The following HS6ST3 variants were observed in gnomAD, a reference collection of about 807,000 sequenced individuals.
HS6ST3 encodes the protein heparan-sulfate 6-O-sulfotransferase 3.
Under a neutral mutation model 36.7 loss-of-function variants are expected in HS6ST3, and 12 were observed. The observed-to-expected ratio is 0.33, with a 90% CI of 0.21 to 0.53. HS6ST3 has a LOEUF of 0.53. Among genes scored for constraint, HS6ST3 ranks in the 20% least tolerant of loss-of-function variants. The pLI, the probability that HS6ST3 is intolerant of heterozygous loss-of-function variation, is 0.95. For synonymous variants in HS6ST3, 240 were observed against 257.5 expected, an observed-to-expected ratio of 0.93 and a Z score of 0.65; for missense variants, 584 against 640.9, an observed-to-expected ratio of 0.91 and a Z score of 0.96.
intron 1 of HS6ST3, among the ~76,000 whole-genome samples, chr13:96,272,840 T>G (rs2139389246): frequency 6.6e-6 from 1 of 152,040 alleles, no homozygotes; most frequent in East Asian, 1.9e-4. Flanking sequence ...AAGGAATCAC[T>G]TAGTAAATTA....
intron 1 of HS6ST3, among the ~76,000 whole-genome samples, chr13:96,207,473 A>G (rs892180357): frequency 1.3e-5 from 2 of 152,126 alleles, no homozygotes; most frequent in African/African-American, 2.4e-5. Flanking sequence ...CAATGCCATT[A>G]CTAGATATAT....
chr13:96,605,725 AT>A (rs1347704318), intron 1 of HS6ST3, among the ~76,000 whole-genome samples: 1 of 152,178 alleles, frequency 6.6e-6, no homozygotes, highest in Non-Finnish European at 1.5e-5. Flanking sequence ...ATGGTTCAAT[AT>A]TTTAAACCAC....
At chr13:96,403,283 GTTAT>G (rs1455713212) in intron 1 of HS6ST3, among the ~76,000 whole-genome samples, 1 of 152,090 alleles carries the variant, frequency 6.6e-6, no homozygotes, top group Non-Finnish European at 1.5e-5. Flanking sequence ...TAACAATGAA[GTTAT>G]TTATGTATGT....
chr13:96,791,762 G>A (rs1009962876), intron 1 of HS6ST3, among the ~76,000 whole-genome samples: 1 of 151,930 alleles, frequency 6.6e-6, no homozygotes, highest in Admixed American at 6.6e-5. Flanking sequence ...TAGTAATGCC[G>A]TGTGTTTTAG....
chr13:96,442,863 G>T (rs1187865286), intron 1 of HS6ST3, among the ~76,000 whole-genome samples: 1 of 150,708 alleles, frequency 6.6e-6, no homozygotes, highest in East Asian at 1.9e-4. Context: ...GAAATTCTAG[G>T]AATAACAAAC....
At chr13:96,710,124 C>T (rs1875524250) in intron 1 of HS6ST3, among the ~76,000 whole-genome samples, 2 of 152,234 alleles carry the variant, frequency 1.3e-5, no homozygotes, top group African/African-American at 4.8e-5. Flanking sequence ...GGTTGTATTA[C>T]TGCTGTGGTT....
intron 1 of HS6ST3, among the ~76,000 whole-genome samples, chr13:96,371,885 T>C (rs920058083): frequency 2.0e-5 from 3 of 152,212 alleles, no homozygotes; most frequent in Admixed American, 6.5e-5. Context: ...TCCATTCACC[T>C]GTTCGTGGAC....
chr13:96,788,458 A>G (rs755786924), intron 1 of HS6ST3, among the ~76,000 whole-genome samples: 4 of 151,912 alleles, frequency 2.6e-5, no homozygotes, highest in Non-Finnish European at 5.9e-5. Flanking sequence ...ATGATCTATC[A>G]GGCCACTTAT....
chr13:96,623,128 T>C (rs1487041313), intron 1 of HS6ST3, among the ~76,000 whole-genome samples: 1 of 152,226 alleles, frequency 6.6e-6, no homozygotes, highest in South Asian at 2.1e-4. Context: ...TTTTGCATCA[T>C]AAACTTATTT....
chr13:96,391,764 A>G (rs548302421), intron 1 of HS6ST3, among the ~76,000 whole-genome samples: 18 of 152,148 alleles, frequency 1.2e-4, no homozygotes, highest in Non-Finnish European at 2.5e-4. Flanking sequence ...ACACTATCAC[A>G]AGAACAGCAT....
chr13:96,280,733 G>T (rs1171039552), intron 1 of HS6ST3, among the ~76,000 whole-genome samples: 2 of 152,122 alleles, frequency 1.3e-5, no homozygotes, highest in African/African-American at 4.8e-5. Context: ...GAGCTTTGTG[G>T]CCTGTGCAAA....
intron 1 of HS6ST3, among the ~76,000 whole-genome samples, chr13:96,116,860 G>T (rs1057390572): frequency 5.3e-5 from 8 of 152,146 alleles, no homozygotes; most frequent in African/African-American, 1.2e-4. Context: ...ATTCAGAGAG[G>T]CTCAGGGAAA....
intron 1 of HS6ST3, among the ~76,000 whole-genome samples, chr13:96,124,010 C>T (rs1053532314): frequency 6.6e-6 from 1 of 152,236 alleles, no homozygotes; most frequent in Non-Finnish European, 1.5e-5. Flanking sequence ...GAATGTTAAT[C>T]GTATGCATGG....
At chr13:96,544,408 T>G (rs1358523536) in intron 1 of HS6ST3, among the ~76,000 whole-genome samples, 1 of 152,142 alleles carries the variant, frequency 6.6e-6, no homozygotes, top group Non-Finnish European at 1.5e-5. Context: ...GGCTAGTGTG[T>G]GGAAGAATGA....
intron 1 of HS6ST3, among the ~76,000 whole-genome samples, chr13:96,481,963 G>A (rs1293524150): frequency 2.0e-5 from 3 of 151,328 alleles, no homozygotes; most frequent in Admixed American, 1.3e-4. Flanking sequence ...TGTCCTCTTC[G>A]CAACGTGCTC....
intron 1 of HS6ST3, among the ~76,000 whole-genome samples, chr13:96,094,685 T>C (rs978636265): frequency 6.6e-6 from 1 of 152,090 alleles, no homozygotes; most frequent in Non-Finnish European, 1.5e-5. Flanking sequence ...AAGAAATACA[T>C]GGCAAACTTC....
chr13:96,771,526 C>A (rs151285852), intron 1 of HS6ST3, among the ~76,000 whole-genome samples: 1 of 152,170 alleles, frequency 6.6e-6, no homozygotes, highest in East Asian at 1.9e-4. Flanking sequence ...ATAAGCCGAC[C>A]GAAAATGGCT....
At chr13:96,588,184 A>C (rs1032869980) in intron 1 of HS6ST3, among the ~76,000 whole-genome samples, 3 of 135,094 alleles carry the variant, frequency 2.2e-5, no homozygotes, top group Non-Finnish European at 3.4e-5. Context: ...AAACAGGGAC[A>C]ATTTACCTTT....
chr13:96,218,683 G>C (rs2054439626), intron 1 of HS6ST3, among the ~76,000 whole-genome samples: 1 of 152,098 alleles, frequency 6.6e-6, no homozygotes, highest in Admixed American at 6.5e-5. Flanking sequence ...GTGCTGAAGG[G>C]CTGGGTTTAG....
Sources: gnomAD v4.1 joint callset for allele counts (sites outside exome capture counted in the v4.1 genomes callset) on GRCh38, gnomAD v4.1.1 for gene constraint, MANE v1.5 for transcripts, NCBI Gene and HGNC (gene_info 2026-07-23, HGNC 2026-07-21) for gene names.